The following VIL1 variants were observed in gnomAD, a reference collection of about 807,000 sequenced individuals.
The protein encoded by VIL1 is villin 1.
A neutral mutation model predicts 104.0 loss-of-function variants in VIL1; 86 were observed. That is an observed-to-expected ratio of 0.83 (90% CI 0.69 to 0.99). VIL1 has a LOEUF of 0.99. Among genes scored for constraint, VIL1 ranks in the 50% least tolerant of loss-of-function variants. The pLI is 0.00. For synonymous variants in VIL1, 394 were observed against 412.6 expected (o/e 0.95, Z 0.55); for missense variants, 944 against 1,054.1 (o/e 0.90, Z 1.45).
chr2:218,419,523 C>T (rs1438998114), intron 1 of VIL1, among the ~76,000 whole-genome samples: 1 of 152,126 alleles, frequency 6.6e-6, no homozygotes, highest in Non-Finnish European at 1.5e-5. Flanking sequence ...CCTCACTCCC[C>T]GAGCCCCCTC....
intron 4 of VIL1, 88 bp from the exon 5 acceptor site, chr2:218,427,877 C>G: frequency 7.7e-7 from 1 of 1,290,344 alleles, no homozygotes; most frequent in Non-Finnish European, 1.1e-6. Flanking sequence ...CCTCACGTGA[C>G]CCCAGCGTGG....
rs746598204 is a variant in VIL1 at position 218,434,538 on chromosome 2, C to T, written c.1513C>T (p.Arg505Ter). The T allele has an allele frequency of 1.1e-5, 17 of 1,611,570 alleles. No homozygotes were observed. Among genetic ancestry groups the T allele is most frequent in the Admixed American group, 3.4e-5 (2 of 59,438 alleles). Residue 505 changes from arginine (R) to a stop codon, truncating the protein, a stop_gained, in exon 14 of 20, where the codon CGA (arginine) becomes TGA (stop). Transcript: ENST00000248444. LOFTEE classifies it high-confidence loss of function. ...RMVVYQGGTS[R>*]TNNLETGPST... Reference sequence around the variant, plus strand: ...CCCTCACCTGCAGGGAGGCACCTCCCGAACTAACAACTTGGAGACCGGGCC... The same window carrying T: ...CCCTCACCTGCAGGGAGGCACCTCCTGAACTAACAACTTGGAGACCGGGCC...
Position 218,431,973 on chromosome 2 carries a change from G to C in VIL1, c.1203+16G>C. 1 of 1,614,052 alleles carries C rather than the reference G, an allele frequency of 6.2e-7. No homozygotes were observed. The highest frequency in any genetic ancestry group is 2.2e-5 in the East Asian group (1 of 44,842). ...GGAAGTGCAGGTATGTGAGGGCAGA[G>C]AGGCCCGTGCTGGGTGGAGCAGGAA... On this transcript the variant is annotated intron_variant, in intron 11 of 19. Transcript: ENST00000248444.
At position 218,451,530 on chromosome 2, in the gene VIL1, C is replaced by A. The variant is rs1341427983; in HGVS notation, c.*2194C>A. The A allele has an allele frequency of 2.0e-5, 3 of 151,280 alleles. No individual in the cohort carries two copies. Among genetic ancestry groups the A allele is most frequent in the Non-Finnish European group, 4.4e-5 (3 of 67,930 alleles). The allele number at this position is 151,280 out of a possible 1,614,324, so 9.4% of individuals were successfully genotyped here. ...AGATCACAAATGAGTTTACAAACTA[C>A]TTTTTTTTCTCTTTAATTTAGGTGT... On this transcript the variant is annotated 3_prime_UTR_variant, in exon 20 of 20. Transcript: ENST00000248444.
Position 218,427,970 on chromosome 2 carries a change from G to A in VIL1, c.353G>A (p.Arg118Gln), listed in dbSNP as rs776390089. The A allele has an allele frequency of 9.3e-6, 15 of 1,613,848 alleles. No individual in the cohort carries two copies. The highest frequency in any genetic ancestry group is 1.6e-4 in the Middle Eastern group (1 of 6,084). The change falls in exon 5 of 20, where the codon CGG becomes CAG. Residue 118 changes from arginine (R) to glutamine (Q), a missense_variant. By Grantham distance (43) the Arg-to-Gln change is conservative. Coordinates refer to ENST00000248444, the MANE Select transcript of VIL1 (RefSeq NM_007127.3). ...RGYFKQGLVI[R>Q]KGGVASGMKH... ...CAGCTCACCTCTCTTCTCAGGATCC[G>A]GAAAGGGGGCGTGGCTTCTGGCATG... is the stretch of plus-strand genomic sequence containing the variant.
At position 218,429,933 on chromosome 2, in the gene VIL1, A is replaced by G. The variant is rs1355379742; in HGVS notation, c.934A>G (p.Met312Val). The G allele has an allele frequency of 4.9e-6, 5 of 1,027,532 alleles. No individual in the cohort carries two copies. Among genetic ancestry groups the G allele is most frequent in the Non-Finnish European group, 7.2e-6 (5 of 695,602 alleles). The allele number at this position is 1,027,532 out of a possible 1,614,324, so 63.7% of individuals were successfully genotyped here. Residue 312 changes from methionine (M) to valine (V), a missense_variant, in exon 9 of 20, where the codon ATG becomes GTG. Transcript: ENST00000248444. ...KANEQEKKGA[M>V]SHALNFIKAK... The stretch of plus-strand genomic sequence containing the variant: ...CAATGAGCAGGAGAAGAAGGGAGCC[A>G]TGAGCCATGCGCTGGTAGTGGTGGG...
intron 1 of VIL1, among the ~76,000 whole-genome samples, chr2:218,420,786 C>G (rs1183498903): frequency 6.6e-6 from 1 of 152,016 alleles, no homozygotes; most frequent in Non-Finnish European, 1.5e-5. Context: ...AGGGTTTCAC[C>G]GTGTTAGCCA....
At chr2:218,437,870 G>C (rs1270418537) in intron 17 of VIL1, among the ~76,000 whole-genome samples, 2 of 152,132 alleles carry the variant, frequency 1.3e-5, no homozygotes, top group African/African-American at 4.8e-5. Flanking sequence ...AGAAGCAAGG[G>C]GCAGATACCC....
chr2:218,432,684 G>A (rs1689120330), intron 12 of VIL1, 109 bp from the exon 13 acceptor site: 1 of 1,410,346 alleles, frequency 7.1e-7, no homozygotes, highest in Non-Finnish European at 9.7e-7. Flanking sequence ...GAAGACAATT[G>A]GGTTTAGGAC....
intron 5 of VIL1, 63 bp from the exon 6 acceptor site, chr2:218,428,164 G>A (rs942070622): frequency 1.3e-6 from 2 of 1,599,816 alleles, no homozygotes; most frequent in Admixed American, 1.7e-5. Context: ...GGGAGGGATG[G>A]CCAAGATGAT....
chr2:218,434,229 T>C (rs899793387), intron 13 of VIL1, among the ~76,000 whole-genome samples: 1 of 143,964 alleles, frequency 6.9e-6, no homozygotes, highest in Admixed American at 7.1e-5. Flanking sequence ...CAGAGCTAGC[T>C]GGAGGGTTTG....
At chr2:218,437,849 TG>T (rs1421471320) in intron 17 of VIL1, among the ~76,000 whole-genome samples, 1 of 152,186 alleles carries the variant, frequency 6.6e-6, no homozygotes, top group Non-Finnish European at 1.5e-5. Flanking sequence ...TTTCCTAAAC[TG>T]GCCCCACATA....
Position 218,425,703 on chromosome 2 carries a change from T to C in VIL1, c.239T>C (p.Ile80Thr), listed in dbSNP as rs1688969799. 1 of 1,614,154 alleles carries C rather than the reference T, an allele frequency of 6.2e-7. No homozygotes were observed. The highest frequency in any genetic ancestry group is 8.5e-7 in the Non-Finnish European group (1 of 1,180,034). Reference protein sequence around the residue: ...SSLDEQGAAAIYTTQMDDFLK... With the variant: ...SSLDEQGAAATYTTQMDDFLK... ...CTGGATGAGCAGGGGGCAGCTGCCA[T>C]CTACACCACACAGATGGATGACTTC... The change falls in exon 4 of 20, where the codon ATC becomes ACC. Residue 80 changes from isoleucine to threonine, a missense_variant. Ile to Thr is a moderately conservative substitution (Grantham distance 89). Transcript: ENST00000248444.
Position 218,449,482 on chromosome 2 carries a change from T to A in VIL1, c.*146T>A. ...TTCTGTGGCAAATGCCAGTTTTGTTTAATAATGTACCTATTCCTTCAGAAA... is the reference window on the plus strand; with the variant it reads ...TTCTGTGGCAAATGCCAGTTTTGTTAAATAATGTACCTATTCCTTCAGAAA... On this transcript the variant is annotated 3_prime_UTR_variant, in exon 20 of 20. Transcript: ENST00000248444. The A allele has an allele frequency of 1.6e-6, 1 of 636,284 alleles. No homozygotes were observed. The highest frequency in any genetic ancestry group is 2.8e-6 in the Non-Finnish European group (1 of 355,914). The allele number at this position is 636,284 out of a possible 1,614,324, so 39.4% of individuals were successfully genotyped here. A position where few individuals can be genotyped will look rare whatever the true frequency, so the allele number is the denominator to read the frequency against.
At chr2:218,443,740 C>T (rs766283941) in intron 19 of VIL1, among the ~76,000 whole-genome samples, 7 of 152,028 alleles carry the variant, frequency 4.6e-5, no homozygotes, top group Non-Finnish European at 8.8e-5. Context: ...CTGCAACCTC[C>T]GCCTCCCGAG....
rs1429357009 is a variant in VIL1, at chr2:218,450,910, A to C, written c.*1574A>C. 6.6e-6 allele frequency: 1 copy of C among 152,220 alleles called. No homozygotes were observed. The allele number at this position is 152,220 out of a possible 1,614,324, so 9.4% of individuals were successfully genotyped here. On this transcript the variant is annotated 3_prime_UTR_variant, in exon 20 of 20. Transcript: ENST00000248444. ...TCAGACATATAGCACACATGGAGAC[A>C]ACTTACTAATTGTGTGTAAGTATGA...
chr2:218,426,811 C>G (rs568425128), intron 4 of VIL1, among the ~76,000 whole-genome samples: 29 of 151,574 alleles, frequency 1.9e-4, no homozygotes, highest in African/African-American at 2.4e-4. Context: ...ACCGTGTTAG[C>G]CAGGATGGTC....
At chr2:218,420,215 A>C (rs1327065848) in intron 1 of VIL1, among the ~76,000 whole-genome samples, 2 of 152,122 alleles carry the variant, frequency 1.3e-5, no homozygotes, top group Non-Finnish European at 2.9e-5. Context: ...GGATCACTTG[A>C]GGTCAGGACT....
intron 19 of VIL1, 129 bp downstream of exon 19, chr2:218,440,991 C>G: frequency 9.3e-7 from 1 of 1,073,224 alleles, no homozygotes; most frequent in Non-Finnish European, 1.3e-6. Context: ...TGCCTTCATG[C>G]CACCTTATAT....
Sources: allele counts gnomAD v4.1 joint callset (sites outside exome capture counted in the v4.1 genomes callset), GRCh38; gene constraint gnomAD v4.1.1; transcripts MANE v1.5; gene names NCBI Gene and HGNC (gene_info 2026-07-23, HGNC 2026-07-21).